The following MED27 variants were observed in gnomAD, a reference collection of about 807,000 sequenced individuals.
MED27 encodes the protein mediator complex subunit 27, also known as mediator of RNA polymerase II transcription subunit 27.
MED27 carries 30 observed loss-of-function variants against 38.2 expected under a neutral mutation model. The observed-to-expected ratio is 0.79, with a 90% CI of 0.59 to 1.07. The LOEUF is 1.07. Among genes scored for constraint, MED27 ranks in the 50% least tolerant of loss-of-function variants. MED27 has a pLI of 0.00. For synonymous variants in MED27, 122 were observed against 153.5 expected, an observed-to-expected ratio of 0.79 and a Z score of 1.52; for missense variants, 289 against 397.5, an observed-to-expected ratio of 0.73 and a Z score of 2.32.
intron 2 of MED27, among the ~76,000 whole-genome samples, chr9:132,016,948 T>C (rs940609036): frequency 2.0e-5 from 3 of 152,206 alleles, no homozygotes; most frequent in Non-Finnish European, 4.4e-5. Context: ...ATGCTCTCAG[T>C]GTACAGTGCA....
At chr9:131,945,311 A>ATT (rs1830865022) in intron 3 of MED27, among the ~76,000 whole-genome samples, 22 of 151,718 alleles carry the variant, frequency 1.5e-4, no homozygotes, top group Non-Finnish European at 4.4e-5. Context: ...TTTAATTGAC[A>ATT]AATAAAGATT....
intron 6 of MED27, among the ~76,000 whole-genome samples, chr9:131,875,636 C>A (rs1217271198): frequency 1.3e-5 from 2 of 152,192 alleles, no homozygotes; most frequent in Non-Finnish European, 2.9e-5. Context: ...ACACTTCATA[C>A]CTACGAATTC....
chr9:131,920,718 A>C (rs1413343972), intron 4 of MED27, among the ~76,000 whole-genome samples: 26 of 152,126 alleles, frequency 1.7e-4, no homozygotes, highest in African/African-American at 4.3e-4. Flanking sequence ...CTTGAAGACT[A>C]GGAGGAATGG....
intron 3 of MED27, among the ~76,000 whole-genome samples, chr9:132,002,318 GTTA>G (rs1361957681): frequency 6.6e-6 from 1 of 152,190 alleles, no homozygotes; most frequent in African/African-American, 2.4e-5. Flanking sequence ...GGTTTTTCAT[GTTA>G]TTATTAAGAA....
At chr9:131,962,322 C>T (rs149520192) in intron 3 of MED27, among the ~76,000 whole-genome samples, 461 of 152,314 alleles carry the variant, frequency 3.0e-3, no homozygotes, top group Non-Finnish European at 4.8e-3. Flanking sequence ...CTGCAACCTC[C>T]GCCTTCCAGG....
At chr9:131,910,184 A>T (rs1308406274) in intron 4 of MED27, among the ~76,000 whole-genome samples, 1 of 152,118 alleles carries the variant, frequency 6.6e-6, no homozygotes, top group East Asian at 1.9e-4. Flanking sequence ...CAGATTTACC[A>T]CCTCTACCCC....
chr9:131,945,105 ATTTATATATAAATATATAAAAATATC>A (rs1260248247), intron 3 of MED27, among the ~76,000 whole-genome samples: 1 of 146,988 alleles, frequency 6.8e-6, no homozygotes, highest in African/African-American at 2.5e-5. Context: ...ATATAAAAAT[ATTTATATATAAATATATAAAAATATC>A]TTTATATATA....
chr9:131,881,630 G>A (rs1265716015), intron 6 of MED27, among the ~76,000 whole-genome samples: 1 of 151,968 alleles, frequency 6.6e-6, no homozygotes, highest in Middle Eastern at 3.2e-3. Flanking sequence ...CCCTCACCCC[G>A]TTTCCCCATT....
intron 3 of MED27, among the ~76,000 whole-genome samples, chr9:131,993,535 A>G (rs1832024517): frequency 6.6e-6 from 1 of 152,174 alleles, no homozygotes; most frequent in Admixed American, 6.5e-5. Flanking sequence ...GTTAACACTG[A>G]TTCTCAGAGA....
intron 2 of MED27, among the ~76,000 whole-genome samples, chr9:132,028,213 C>G (rs867944537): frequency 3.9e-4 from 60 of 152,336 alleles, no homozygotes; most frequent in African/African-American, 1.4e-3. Context: ...TTGTGCAAGT[C>G]TCAACTTGAA....
chr9:131,892,081 G>C (rs1839238889), intron 5 of MED27, among the ~76,000 whole-genome samples: 1 of 152,124 alleles, frequency 6.6e-6, no homozygotes, highest in Non-Finnish European at 1.5e-5. Flanking sequence ...GTCTGATCTA[G>C]AAACAAATCA....
chr9:132,030,484 C>T (rs1832934490), intron 2 of MED27, among the ~76,000 whole-genome samples: 2 of 152,112 alleles, frequency 1.3e-5, no homozygotes, highest in African/African-American at 4.8e-5. Flanking sequence ...TCAGGAGCTT[C>T]GTGTTTTATC....
At chr9:131,914,588 G>A (rs1830253392) in intron 4 of MED27, among the ~76,000 whole-genome samples, 1 of 152,224 alleles carries the variant, frequency 6.6e-6, no homozygotes, top group African/African-American at 2.4e-5. Context: ...TCATTCTAGT[G>A]GGTGGAGCCT....
In MED27 at chr9:131,885,295, C is replaced by T. The variant is rs372262130; in HGVS notation, c.682-1196G>A. ...CTTTCATGAGCCCAAGGCTATCTGGCGAGGCATCTTACAGATGGCCTCATC... is the reference window on the plus strand; with the variant it reads ...CTTTCATGAGCCCAAGGCTATCTGGTGAGGCATCTTACAGATGGCCTCATC... On this transcript the variant is annotated intron_variant, in intron 5 of 7. Transcript: ENST00000292035. 6.8e-4 allele frequency among the ~76,000 whole-genome samples: 104 copies of T among 152,328 alleles called. 1 individual carries two copies. The South Asian group carries it at 0.016, about 23-fold the overall frequency.
Position 131,939,900 on chromosome 9 carries a change from CTTTTTTTTTTT to C in MED27, c.480-437_480-427del, listed in dbSNP as rs545565196. Among the ~76,000 whole-genome samples, 108 of 136,168 alleles carry C rather than the reference CTTTTTTTTTTT, an allele frequency of 7.9e-4. 1 individual carries two copies. Among genetic ancestry groups the C allele is most frequent in the African/African-American group, 2.7e-3 (99 of 36,848 alleles). 89.3% of individuals were successfully genotyped at this position (136,168 alleles called of 152,430 possible). A position where few individuals can be genotyped will look rare whatever the true frequency, so the allele number is the denominator to read the frequency against. On this transcript the variant is annotated intron_variant, in intron 3 of 7. Transcript: ENST00000292035. ...CCAATTCCCAGGATTAAATTCCTTC[CTTTTTTTTTTT>C]TTTTTTTTTCTTTGAGACAGAGTCT...
At chr9:131,900,430 C>T (rs563695723) in intron 4 of MED27, among the ~76,000 whole-genome samples, 47 of 152,330 alleles carry the variant, frequency 3.1e-4, no homozygotes, top group African/African-American at 1.1e-3. Flanking sequence ...TGCCAACTGA[C>T]GTCTAACAAA....
At chr9:131,979,272 A>G (rs893121404) in intron 3 of MED27, among the ~76,000 whole-genome samples, 7 of 152,160 alleles carry the variant, frequency 4.6e-5, no homozygotes, top group Admixed American at 1.3e-4. Flanking sequence ...TTGCCTCACC[A>G]TTTTAAAGAA....
chr9:131,894,045 G>A, intron 4 of MED27, 53 bp from the exon 5 acceptor site: 1 of 1,454,942 alleles, frequency 6.9e-7, no homozygotes, highest in Non-Finnish European at 9.6e-7. Flanking sequence ...CACAAAGTTG[G>A]GCAGGGGTGT....
At chr9:132,037,159 C>T (rs1055057332) in intron 2 of MED27, among the ~76,000 whole-genome samples, 7 of 152,120 alleles carry the variant, frequency 4.6e-5, no homozygotes, top group South Asian at 2.1e-4. Flanking sequence ...GACTGAGGAG[C>T]GCGCCACACA....
Sources: allele counts gnomAD v4.1 joint callset (sites outside exome capture counted in the v4.1 genomes callset), GRCh38; gene constraint gnomAD v4.1.1; transcripts MANE v1.5; gene names NCBI Gene and HGNC (gene_info 2026-07-23, HGNC 2026-07-21).